PSMD13: variants seen among roughly 807,000 people sequenced by gnomAD.
PSMD13 encodes proteasome 26S subunit, non-ATPase 13, also known as 26S proteasome non-ATPase regulatory subunit 13.
In PSMD13, 8 loss-of-function variants were observed where a neutral mutation model predicts 57.4. The observed-to-expected ratio is 0.14, with a 90% CI of 0.08 to 0.25. The LOEUF (loss-of-function observed/expected upper bound fraction) is 0.25. PSMD13 is among the 10% of genes least tolerant of loss of function. The pLI, the probability that PSMD13 is intolerant of heterozygous loss-of-function variation, is 1.00. For missense variants in PSMD13, 400 were observed against 461.5 expected (o/e 0.87, Z 1.22); for synonymous variants, 193 against 168.2 (o/e 1.15, Z -1.14).
At chr11:244,251 C>T (rs1426107126) in intron 4 of PSMD13, 35 bp downstream of exon 4, 1 of 1,598,326 alleles carries the variant, frequency 6.3e-7, no homozygotes, top group Non-Finnish European at 8.5e-7. Flanking sequence ...GGAGCAGATC[C>T]AAATGGTGGT....
At chr11:239,138 GA>G in intron 2 of PSMD13, 62 bp downstream of exon 2, 1 of 1,394,532 alleles carries the variant, frequency 7.2e-7, no homozygotes, top group South Asian at 1.2e-5. Flanking sequence ...TTGAAAATAA[GA>G]TAGGCTTTAT....
intron 2 of PSMD13, among the ~76,000 whole-genome samples, chr11:240,673 T>C (rs1859494157): frequency 6.6e-6 from 1 of 152,254 alleles, no homozygotes; most frequent in Non-Finnish European, 1.5e-5. Context: ...TTTGAATTTA[T>C]AGTCACCAGA....
At chr11:249,331 G>T (rs1259096256) in intron 9 of PSMD13, among the ~76,000 whole-genome samples, 1 of 152,086 alleles carries the variant, frequency 6.6e-6, no homozygotes, top group Non-Finnish European at 1.5e-5. Context: ...TGTCACAGAA[G>T]ATGTAGAAGT....
At chr11:250,953 G>A (rs1024974937) in intron 10 of PSMD13, 88 bp downstream of exon 10, 7 of 1,218,366 alleles carry the variant, frequency 5.7e-6, no homozygotes, top group Non-Finnish European at 7.2e-6. Flanking sequence ...GTGCTGAGCA[G>A]TGTGAGCTTT....
At chr11:248,643 A>G in intron 7 of PSMD13, 133 bp from the exon 8 acceptor site, 1 of 823,854 alleles carries the variant, frequency 1.2e-6, no homozygotes, top group Non-Finnish European at 2.0e-6. Context: ...AGAAGAGGTG[A>G]CTAATGTCAA....
At position 251,796 on chromosome 11, in the gene PSMD13, A is replaced by T. The variant is rs759444442; in HGVS notation, c.919-24A>T. ...GGGGTGTGTCAGGCTATCTTGTCTTACACACGCCTCCCTCTCTGCACAGGT... is the reference window on the plus strand; with the variant it reads ...GGGGTGTGTCAGGCTATCTTGTCTTTCACACGCCTCCCTCTCTGCACAGGT... On this transcript the variant is annotated intron_variant, in intron 11 of 12. Coordinates refer to ENST00000532097, the MANE Select transcript of PSMD13 (RefSeq NM_002817.4). The surrounding 1 kb of genome is among the most constrained non-coding windows in gnomAD (Gnocchi z 4.6). 2 of 1,608,420 alleles carry T rather than the reference A, an allele frequency of 1.2e-6. No homozygotes were observed. Among genetic ancestry groups the T allele is most frequent in the Admixed American group, 1.7e-5 (1 of 59,698 alleles).
At chr11:238,949 C>CT in intron 1 of PSMD13, 49 bp from the exon 2 acceptor site, 1 of 1,518,362 alleles carries the variant, frequency 6.6e-7, no homozygotes, top group Non-Finnish European at 9.1e-7. Context: ...CTGGAGGTGT[C>CT]TGTGACTGGA....
chr11:242,047 C>T (rs574892149), intron 2 of PSMD13, among the ~76,000 whole-genome samples: 17 of 152,026 alleles, frequency 1.1e-4, no homozygotes, highest in Non-Finnish European at 1.6e-4. Flanking sequence ...CCTCTCTAAC[C>T]GCCCTTCATT....
intron 7 of PSMD13, chr11:247,725 C>G (rs774000667): frequency 7.9e-6 from 2 of 254,116 alleles, no homozygotes; most frequent in Non-Finnish European, 1.5e-5. Flanking sequence ...CCCAGTTACT[C>G]AGGAGTCTGA....
At chr11:243,154 C>A in intron 2 of PSMD13, 1 of 620,154 alleles carries the variant, frequency 1.6e-6, no homozygotes, top group Non-Finnish European at 3.2e-6. Context: ...CTTTGGTCAC[C>A]ACCTCCTGTT....
In PSMD13 at chr11:252,934, T is replaced by A. The variant is rs1859799129; in HGVS notation, c.*334T>A. The A allele has an allele frequency of 4.5e-6, 1 of 220,058 alleles. No individual in the cohort carries two copies. Among genetic ancestry groups the A allele is most frequent in the Non-Finnish European group, 9.3e-6 (1 of 107,898 alleles). 13.6% of individuals were successfully genotyped at this position (220,058 alleles called of 1,614,324 possible). A position where few individuals can be genotyped will look rare whatever the true frequency, so the allele number is the denominator to read the frequency against. On this transcript the variant is annotated 3_prime_UTR_variant, in exon 13 of 13. Coordinates refer to ENST00000532097, the MANE Select transcript of PSMD13 (RefSeq NM_002817.4). The surrounding 1 kb of genome is among the most constrained non-coding windows in gnomAD (Gnocchi z 4.1). Reference sequence around the variant, plus strand: ...CCCATCCACCTGTACGGACATCTTTTCCGTTGCGGTTTGAGAATGTTCCTA... The same window carrying A: ...CCCATCCACCTGTACGGACATCTTTACCGTTGCGGTTTGAGAATGTTCCTA...
At chr11:245,466 G>A (rs889468989) in intron 6 of PSMD13, among the ~76,000 whole-genome samples, 3 of 152,172 alleles carry the variant, frequency 2.0e-5, no homozygotes, top group African/African-American at 7.2e-5. Context: ...CACACCACTG[G>A]CATGTCACGT....
intron 2 of PSMD13, among the ~76,000 whole-genome samples, chr11:240,101 CTTTTTTTTTTTTT>C (rs60869932): frequency 5.8e-5 from 3 of 51,414 alleles, no homozygotes; most frequent in Admixed American, 3.4e-4. Flanking sequence ...ATGAGACCTG[CTTTTTTTTTTTTT>C]TTTTTTTTTT....
chr11:240,769 C>T (rs1292687592), intron 2 of PSMD13, among the ~76,000 whole-genome samples: 2 of 152,138 alleles, frequency 1.3e-5, no homozygotes, highest in African/African-American at 4.8e-5. Flanking sequence ...TCAAACATTT[C>T]CTTCTAATAA....
intron 1 of PSMD13, among the ~76,000 whole-genome samples, chr11:238,473 A>T (rs1859435785): frequency 6.6e-6 from 1 of 152,232 alleles, no homozygotes; most frequent in Non-Finnish European, 1.5e-5. Flanking sequence ...GCTACACCGT[A>T]GAGACTGGTT....
intron 6 of PSMD13, among the ~76,000 whole-genome samples, chr11:246,732 C>G (rs2133989160): frequency 6.6e-6 from 1 of 152,298 alleles, no homozygotes; most frequent in South Asian, 2.1e-4. Flanking sequence ...CAGGCTCTAA[C>G]TCTTGCTGAT....
At chr11:237,172 C>T (rs768905329) in intron 1 of PSMD13, 28 bp downstream of exon 1, 3 of 1,589,756 alleles carry the variant, frequency 1.9e-6, no homozygotes, top group Admixed American at 3.5e-5. Context: ...GGGCCCTGGG[C>T]CCCGGCGATA....
chr11:244,979 T>C lies in PSMD13; in HGVS notation c.396+218T>C, dbSNP rs1002041617. Among the ~76,000 whole-genome samples the C allele has an allele frequency of 3.6e-4, 54 of 151,620 alleles. 2 individuals are homozygous for C. In the South Asian group the frequency reaches 7.1e-3, roughly 20 times the overall value. ...TTTTAAAGACGGAGTCTCGCTCTGT[T>C]TCCCAGGCTGGAGTGCAATGGTGCA... On this transcript the variant is annotated intron_variant, in intron 6 of 12. Transcript: ENST00000532097.
chr11:239,178 C>T (rs1054122701), intron 2 of PSMD13, 102 bp downstream of exon 2: 21 of 1,155,640 alleles, frequency 1.8e-5, no homozygotes, highest in Non-Finnish European at 2.6e-5. Flanking sequence ...CTCCAATATT[C>T]AGCAGTCACT....
Sources: gnomAD v4.1 joint callset for allele counts (sites outside exome capture counted in the v4.1 genomes callset) on GRCh38, gnomAD v4.1.1 for gene constraint, Gnocchi (gnomAD v3.1) non-coding constraint, MANE v1.5 for transcripts, NCBI Gene and HGNC (gene_info 2026-07-23, HGNC 2026-07-21) for gene names.